Variants in RANBP17 observed in about 807,000 individuals in gnomAD.
RANBP17 encodes the protein RAN binding protein 17.
A neutral mutation model predicts 141.2 loss-of-function variants in RANBP17; 158 were observed. The ratio of observed to expected loss-of-function variants is 1.12; its 90% CI spans 0.98 to 1.28. The LOEUF is 1.28. RANBP17 is among the 50% of genes most tolerant of loss of function. The pLI is 0.00. For synonymous variants in RANBP17, 430 were observed against 450.0 expected, an observed-to-expected ratio of 0.96 and a Z score of 0.56; for missense variants, 1,438 against 1,290.7, an observed-to-expected ratio of 1.11 and a Z score of -1.75.
At chr5:170,873,094 A>G (rs1164210916) in intron 1 of RANBP17, among the ~76,000 whole-genome samples, 1 of 152,116 alleles carries the variant, frequency 6.6e-6, no homozygotes, top group Non-Finnish European at 1.5e-5. Context: ...GTATTTTAGT[A>G]GAGATGGGGT....
At chr5:171,041,233 A>T (rs569416949) in intron 14 of RANBP17, among the ~76,000 whole-genome samples, 25 of 152,140 alleles carry the variant, frequency 1.6e-4, no homozygotes, top group African/African-American at 6.0e-4. Flanking sequence ...CATGTTATTA[A>T]TTATTTGTTA....
chr5:170,924,389 C>T lies in RANBP17; in HGVS notation c.1307C>T (p.Ala436Val). ...TTAGATGATCCACTGGATGATACTG[C>T]CACTGTGTTTCAGCAGTTGGAGCAG... ...DHLDDPLDDT[A>V]TVFQQLEQLC... Residue 436 changes from alanine to valine, a missense_variant, in exon 12 of 28, where the codon GCC (alanine) becomes GTC (valine). Transcript: ENST00000523189. 1 of 1,603,524 alleles carries T rather than the reference C, an allele frequency of 6.2e-7. No homozygotes were observed. Among genetic ancestry groups the T allele is most frequent in the Non-Finnish European group, 8.5e-7 (1 of 1,171,586 alleles).
chr5:171,022,315 C>T (rs1316918240), intron 14 of RANBP17, among the ~76,000 whole-genome samples: 1 of 152,194 alleles, frequency 6.6e-6, no homozygotes, highest in Non-Finnish European at 1.5e-5. Context: ...AGCACTTTGT[C>T]CCTTGGTGGT....
At chr5:171,133,349 T>A (rs1757059757) in intron 14 of RANBP17, among the ~76,000 whole-genome samples, 1 of 152,212 alleles carries the variant, frequency 6.6e-6, no homozygotes, top group Non-Finnish European at 1.5e-5. Flanking sequence ...TAGTTAATAG[T>A]TAATTAGCTT....
intron 14 of RANBP17, among the ~76,000 whole-genome samples, chr5:170,985,563 T>G (rs1392511322): frequency 6.6e-6 from 1 of 152,206 alleles, no homozygotes; most frequent in Non-Finnish European, 1.5e-5. Flanking sequence ...ATTCAATCTT[T>G]CACCACCAAA....
intron 3 of RANBP17, among the ~76,000 whole-genome samples, chr5:170,889,428 A>G (rs1769421109): frequency 6.6e-6 from 1 of 152,166 alleles, no homozygotes; most frequent in Non-Finnish European, 1.5e-5. Context: ...TTACTAAAAT[A>G]TATGATTTGT....
At chr5:171,292,612 G>C (rs1043014670) in intron 25 of RANBP17, among the ~76,000 whole-genome samples, 3 of 152,164 alleles carry the variant, frequency 2.0e-5, no homozygotes, top group Non-Finnish European at 4.4e-5. Flanking sequence ...CGTAATTGCC[G>C]TTTCCCCTGC....
At chr5:170,911,454 C>A in intron 7 of RANBP17, 1 of 656,728 alleles carries the variant, frequency 1.5e-6, no homozygotes, top group South Asian at 1.6e-5. Context: ...GACAGGATCC[C>A]ACTCTGTTTA....
At chr5:171,224,825 A>G (rs2127984659) in intron 22 of RANBP17, among the ~76,000 whole-genome samples, 1 of 152,308 alleles carries the variant, frequency 6.6e-6, no homozygotes, top group Admixed American at 6.5e-5. Context: ...TCACTTTGTT[A>G]TAAGCTTTTA....
chr5:171,105,330 C>T (rs780579776), intron 14 of RANBP17, among the ~76,000 whole-genome samples: 8 of 131,944 alleles, frequency 6.1e-5, no homozygotes, highest in Admixed American at 3.5e-4. Context: ...TGCAGTGAGC[C>T]GAGATCCCGC....
chr5:171,073,433 A>G (rs1480482585), intron 14 of RANBP17, among the ~76,000 whole-genome samples: 1 of 152,154 alleles, frequency 6.6e-6, no homozygotes, highest in Non-Finnish European at 1.5e-5. Flanking sequence ...CTAGGAATGA[A>G]CAATAAGTGA....
At position 171,240,934 on chromosome 5, in the gene RANBP17, A is replaced by G. The variant is rs768570236; in HGVS notation, c.2429A>G (p.Gln810Arg). The G allele has an allele frequency of 6.2e-7, 1 of 1,610,584 alleles. No homozygotes were observed. Among genetic ancestry groups the G allele is most frequent in the South Asian group, 1.1e-5 (1 of 90,798 alleles). Residue 810 changes from glutamine to arginine, a missense_variant, in exon 23 of 28, where the codon CAG becomes CGG. Physicochemically the swap from Gln to Arg is conservative, Grantham distance 43. Coordinates refer to ENST00000523189, the MANE Select transcript of RANBP17 (RefSeq NM_022897.5). ...TGCTTTTATCCTGAAACAGGTAATCAGATCCTGTCCCTTGGGAGCCTCTCA... is the reference window on the plus strand; with the variant it reads ...TGCTTTTATCCTGAAACAGGTAATCGGATCCTGTCCCTTGGGAGCCTCTCA... Reference protein sequence around the residue: ...ASKMVCTYGNQILSLGSLSKD... With the variant: ...ASKMVCTYGNRILSLGSLSKD...
chr5:171,279,363 G>A (rs1767712508), intron 25 of RANBP17, among the ~76,000 whole-genome samples: 1 of 152,202 alleles, frequency 6.6e-6, no homozygotes, highest in African/African-American at 2.4e-5. Context: ...CAGTCTTGGA[G>A]ACTAGGAAAC....
chr5:171,116,512 C>T (rs946459525), intron 14 of RANBP17, among the ~76,000 whole-genome samples: 2 of 151,918 alleles, frequency 1.3e-5, no homozygotes, highest in Non-Finnish European at 2.9e-5. Context: ...TTTTAAAATT[C>T]GTTTTTCTCA....
chr5:170,923,319 A>T (rs1056850597), intron 11 of RANBP17, among the ~76,000 whole-genome samples: 1 of 152,148 alleles, frequency 6.6e-6, no homozygotes, highest in African/African-American at 2.4e-5. Context: ...TACTGCATAC[A>T]TGTAGTTCTA....
chr5:170,966,551 A>G (rs1467914000), intron 13 of RANBP17, among the ~76,000 whole-genome samples: 2 of 152,160 alleles, frequency 1.3e-5, no homozygotes, highest in South Asian at 2.1e-4. Context: ...TCTCAAAATG[A>G]TAAGAGCTAT....
intron 1 of RANBP17, among the ~76,000 whole-genome samples, chr5:170,876,174 G>A (rs1768162773): frequency 6.6e-6 from 1 of 152,140 alleles, no homozygotes; most frequent in Non-Finnish European, 1.5e-5. Context: ...TTGGCTGGGA[G>A]TAGGGGCTCC....
intron 14 of RANBP17, among the ~76,000 whole-genome samples, chr5:171,053,542 C>T (rs1783107275): frequency 6.6e-6 from 1 of 152,008 alleles, no homozygotes; most frequent in East Asian, 1.9e-4. Flanking sequence ...TATATAGGAA[C>T]TTAACAGAAT....
intron 14 of RANBP17, among the ~76,000 whole-genome samples, chr5:171,064,052 A>G (rs561675855): frequency 2.0e-5 from 3 of 152,360 alleles, no homozygotes; most frequent in South Asian, 2.1e-4. Context: ...CCGATTTTCC[A>G]GGTGCTGTTT....
Sources: gnomAD v4.1 joint callset for allele counts (sites outside exome capture counted in the v4.1 genomes callset) on GRCh38, gnomAD v4.1.1 for gene constraint, MANE v1.5 for transcripts, NCBI Gene and HGNC (gene_info 2026-07-23, HGNC 2026-07-21) for gene names.